The following IL34 variants were observed in gnomAD, a reference collection of about 807,000 sequenced individuals.
IL34 encodes the protein interleukin-34.
Under a neutral mutation model 25.3 loss-of-function variants are expected in IL34, and 17 were observed. The observed-to-expected ratio is 0.67, with a 90% confidence interval of 0.46 to 1.01. The LOEUF (loss-of-function observed/expected upper bound fraction) is 1.01, where lower values mean the gene tolerates loss of function less well. IL34 is among the 50% of genes least tolerant of loss of function. The pLI, the probability that IL34 is intolerant of heterozygous loss-of-function variation, is 0.00. For missense variants in IL34, 368 were observed against 312.9 expected, an observed-to-expected ratio of 1.18 and a Z score of -1.33; for synonymous variants, 174 against 140.9, an observed-to-expected ratio of 1.23 and a Z score of -1.66.
At chr16:70,655,370 T>A (rs1209723826) in intron 2 of IL34, among the ~76,000 whole-genome samples, 1 of 150,250 alleles carries the variant, frequency 6.7e-6, no homozygotes. Context: ...TCTTTTTAAT[T>A]TTTTAACTTT....
At chr16:70,585,164 G>A (rs1195218977) in intron 1 of IL34, among the ~76,000 whole-genome samples, 2 of 152,116 alleles carry the variant, frequency 1.3e-5, no homozygotes, top group Non-Finnish European at 2.9e-5. Flanking sequence ...GTCTCTATGA[G>A]TTTCACTGCT....
At chr16:70,646,998 G>A (rs898714010) in intron 1 of IL34, 23 bp downstream of exon 1, 2 of 1,447,238 alleles carry the variant, frequency 1.4e-6, no homozygotes, top group African/African-American at 1.5e-5. Flanking sequence ...GGGTCCCTAG[G>A]GACCTGCATT....
At chr16:70,630,738 AT>A (rs989479659) in intron 1 of IL34, among the ~76,000 whole-genome samples, 1 of 151,792 alleles carries the variant, frequency 6.6e-6, no homozygotes, top group Non-Finnish European at 1.5e-5. Context: ...TGCCTGGCTA[AT>A]TTTTATATTT....
intron 1 of IL34, among the ~76,000 whole-genome samples, chr16:70,637,338 T>C (rs907160963): frequency 6.7e-6 from 1 of 149,966 alleles, no homozygotes; most frequent in Non-Finnish European, 1.5e-5. Flanking sequence ...AATTCTATGG[T>C]CCATGTCAAG....
At chr16:70,585,083 C>T (rs2050675978) in intron 1 of IL34, among the ~76,000 whole-genome samples, 1 of 152,180 alleles carries the variant, frequency 6.6e-6, no homozygotes, top group African/African-American at 2.4e-5. Flanking sequence ...AACAGAAACT[C>T]TCTATTAAAT....
Position 70,660,115 on chromosome 16 carries a change from C to A in IL34, c.657C>A (p.Ser219=). The change falls in exon 6 of 6, where the codon TCC becomes TCA. Residue 219 remains serine, a synonymous_variant. Transcript: ENST00000288098. The stretch of plus-strand genomic sequence containing the variant: ...AGCTGTACCCTCCGCCCCCGTGGTC[C>A]CCCAGCTCCCCGCCTCACTCCACGG... ...ATQLYPPPPW[S]PSSPPHSTGS... is the part of the protein sequence containing the mutation. 6.2e-7 allele frequency: 1 copy of A among 1,613,224 alleles called. No individual in the cohort carries two copies. The highest frequency in any genetic ancestry group is 8.5e-7 in the Non-Finnish European group (1 of 1,179,752).
chr16:70,659,592 G>C (rs373785976), intron 4 of IL34, 26 bp from the exon 5 acceptor site: 4 of 1,587,530 alleles, frequency 2.5e-6, no homozygotes, highest in African/African-American at 1.3e-5. Context: ...TCTCGCCACC[G>C]CTCCTGACTG....
At chr16:70,651,187 GGA>G (rs2052069961) in intron 1 of IL34, among the ~76,000 whole-genome samples, 1 of 152,080 alleles carries the variant, frequency 6.6e-6, no homozygotes, top group African/African-American at 2.4e-5. Context: ...GTGATGGGGG[GGA>G]GAGAAGAGTC....
At chr16:70,624,980 G>A (rs542484055) in intron 1 of IL34, among the ~76,000 whole-genome samples, 56 of 152,156 alleles carry the variant, frequency 3.7e-4, no homozygotes, top group African/African-American at 1.3e-3. Context: ...AGGGACTGAT[G>A]TGTAAAAGAA....
At chr16:70,618,802 GGCTTGA>G (rs1202704768) in intron 1 of IL34, among the ~76,000 whole-genome samples, 4 of 152,096 alleles carry the variant, frequency 2.6e-5, no homozygotes, top group African/African-American at 9.7e-5. Context: ...AAGAAATTTG[GGCTTGA>G]TTGAAGTAAT....
chr16:70,613,831 G>A (rs543004358), intron 1 of IL34, among the ~76,000 whole-genome samples: 13 of 149,520 alleles, frequency 8.7e-5, no homozygotes, highest in Middle Eastern at 3.6e-3. Flanking sequence ...CTGAGGTTGC[G>A]CCACTGTACT....
chr16:70,594,583 C>G (rs1262562056), intron 1 of IL34, among the ~76,000 whole-genome samples: 2 of 152,188 alleles, frequency 1.3e-5, no homozygotes, highest in Admixed American at 6.5e-5. Context: ...AAGCTCTAAT[C>G]TAATTCAAGC....
chr16:70,622,427 T>C (rs1194059119), intron 1 of IL34, among the ~76,000 whole-genome samples: 1 of 150,212 alleles, frequency 6.7e-6, no homozygotes, highest in Non-Finnish European at 1.5e-5. Context: ...GTTATTTCCT[T>C]GAGGATAGAT....
At chr16:70,627,831 C>G (rs942165799) in intron 1 of IL34, among the ~76,000 whole-genome samples, 1 of 152,040 alleles carries the variant, frequency 6.6e-6, no homozygotes, top group East Asian at 1.9e-4. Context: ...CACGTGTATT[C>G]TTTTGTATCT....
intron 1 of IL34, among the ~76,000 whole-genome samples, chr16:70,619,030 G>A (rs1039896004): frequency 3.9e-5 from 6 of 152,162 alleles, no homozygotes; most frequent in Admixed American, 1.3e-4. Flanking sequence ...GCACCACGGG[G>A]TGGATAGGCA....
intron 1 of IL34, among the ~76,000 whole-genome samples, chr16:70,584,776 C>T (rs1281345844): frequency 1.3e-5 from 2 of 152,072 alleles, no homozygotes; most frequent in African/African-American, 4.8e-5. Flanking sequence ...TCCTGGCTCA[C>T]TGCAACCTCT....
intron 2 of IL34, among the ~76,000 whole-genome samples, chr16:70,655,035 G>A (rs1479506674): frequency 6.6e-6 from 1 of 151,814 alleles, no homozygotes; most frequent in Non-Finnish European, 1.5e-5. Context: ...GCAGAGTGGA[G>A]ATGTCTGTGT....
chr16:70,609,499 G>A (rs184522631), intron 1 of IL34, among the ~76,000 whole-genome samples: 5 of 152,286 alleles, frequency 3.3e-5, no homozygotes, highest in East Asian at 3.9e-4. Flanking sequence ...ACACCCGGAG[G>A]TGTGGGGCTT....
upstream of IL34, among the ~76,000 whole-genome samples, chr16:70,642,161 C>G (rs1213014673): frequency 6.6e-6 from 1 of 152,156 alleles, no homozygotes; most frequent in Non-Finnish European, 1.5e-5. Context: ...CCGGTGAGGG[C>G]TCTTCCCTTG....
Sources: allele counts gnomAD v4.1 joint callset (sites outside exome capture counted in the v4.1 genomes callset), GRCh38; gene constraint gnomAD v4.1.1; transcripts MANE v1.5; gene names NCBI Gene and HGNC (gene_info 2026-07-23, HGNC 2026-07-21).